The following PFKM variants were observed in gnomAD, a reference collection of about 807,000 sequenced individuals.
The protein encoded by PFKM is ATP-dependent 6-phosphofructokinase, muscle type.
A neutral mutation model predicts 95.5 loss-of-function variants in PFKM; 58 were observed. The observed-to-expected ratio is 0.61, with a 90% confidence interval of 0.49 to 0.76. The LOEUF is 0.76. Ranked by LOEUF, PFKM falls within the 30% of genes least tolerant of loss-of-function variation. PFKM has a pLI of 0.00. For synonymous variants in PFKM, 336 were observed against 357.2 expected, an observed-to-expected ratio of 0.94 and a Z score of 0.67; for missense variants, 678 against 1,005.4, an observed-to-expected ratio of 0.67 and a Z score of 4.40.
chr12:48,106,368 G>GC (rs1946605556), intron 1 of PFKM: 9 of 479,506 alleles, frequency 1.9e-5, no homozygotes. Flanking sequence ...CTTACCCGCC[G>GC]CCTTCTGGTT....
chr12:48,117,621 A>G (rs1369446380), upstream of PFKM, among the ~76,000 whole-genome samples: 1 of 152,200 alleles, frequency 6.6e-6, no homozygotes, highest in Non-Finnish European at 1.5e-5. Flanking sequence ...CCACCTGTAT[A>G]TCTTCTTTGG....
chr12:48,128,750 C>T (rs1202848401), intron 2 of PFKM, among the ~76,000 whole-genome samples: 1 of 152,162 alleles, frequency 6.6e-6, no homozygotes, highest in Non-Finnish European at 1.5e-5. Context: ...ATTACTAGCT[C>T]TCTTAGTGCT....
chr12:48,143,930 C>G (rs1005121710), intron 19 of PFKM, 116 bp downstream of exon 19: 315 of 1,074,776 alleles, frequency 2.9e-4, no homozygotes, highest in Non-Finnish European at 2.8e-5. Flanking sequence ...AGGGAGGGGG[C>G]CAGCCTATCC....
At chr12:48,118,562 A>G (rs986901820), upstream of PFKM, 51 of 1,512,712 alleles carry the variant, frequency 3.4e-5, no homozygotes, top group Admixed American at 2.2e-4. Flanking sequence ...TGTGGAGACA[A>G]TGAAGCAAAG....
chr12:48,113,360 G>A (rs1947376453), intron 3 of PFKM, among the ~76,000 whole-genome samples: 1 of 152,208 alleles, frequency 6.6e-6, no homozygotes, highest in Admixed American at 6.5e-5. Flanking sequence ...TGATGGTCCA[G>A]GAGGCTTCCG....
intron 18 of PFKM, 69 bp downstream of exon 18, chr12:48,143,015 A>G: frequency 2.1e-6 from 3 of 1,452,526 alleles, no homozygotes; most frequent in Non-Finnish European, 2.9e-6. Flanking sequence ...AGTGATCTGA[A>G]CTATGAGAGC....
chr12:48,110,617 C>T (rs1947095287), intron 3 of PFKM, among the ~76,000 whole-genome samples: 1 of 152,230 alleles, frequency 6.6e-6, no homozygotes, highest in African/African-American at 2.4e-5. Flanking sequence ...CTTTCTGCTT[C>T]TGCCAGCCCA....
Position 48,107,269 on chromosome 12 carries a change from G to T in PFKM, c.-9-96G>T, listed in dbSNP as rs1358459126. 3 of 764,532 alleles carry T rather than the reference G, an allele frequency of 3.9e-6. No homozygotes were observed. The East Asian group carries it at 7.4e-5, about 19-fold the overall frequency. 47.4% of individuals were successfully genotyped at this position (764,532 alleles called of 1,614,324 possible). On this transcript the variant is annotated intron_variant, in intron 1 of 24. Transcript: ENST00000340802. Reference sequence around the variant, plus strand: ...TTTATATTATATTGTCAAGTCCTAAGGCCAAGTAGTCATGAGTGTAGCTGG... The same window carrying T: ...TTTATATTATATTGTCAAGTCCTAATGCCAAGTAGTCATGAGTGTAGCTGG...
intron 10 of PFKM, among the ~76,000 whole-genome samples, chr12:48,135,592 T>G (rs1160359732): frequency 6.6e-6 from 1 of 152,238 alleles, no homozygotes; most frequent in Non-Finnish European, 1.5e-5. Flanking sequence ...TACGCCTTCC[T>G]AATGGTGAGG....
At chr12:48,135,139 A>G in intron 9 of PFKM, 101 bp downstream of exon 9, 6 of 1,121,956 alleles carry the variant, frequency 5.3e-6, no homozygotes, top group South Asian at 1.3e-5. Flanking sequence ...CCTTCTGCAC[A>G]TCTCTCCCTG....
At position 48,130,485 on chromosome 12, in the gene PFKM, A is replaced by T. The variant is rs577045874; in HGVS notation, c.159+49A>T. On this transcript the variant is annotated intron_variant, in intron 3 of 22. Coordinates refer to ENST00000359794, the MANE Select transcript of PFKM (RefSeq NM_000289.6). ...ATCATTCTTTCTCTGTCTTCTTCTA[A>T]ATCTGCCTTCTATCCCCTTCCCACA... 1.0e-5 allele frequency: 14 copies of T among 1,375,168 alleles called. No homozygotes were observed. In the South Asian group the frequency reaches 1.6e-4, roughly 16 times the overall value. The allele number at this position is 1,375,168 out of a possible 1,614,324, so 85.2% of individuals were successfully genotyped here. A position where few individuals can be genotyped will look rare whatever the true frequency, so the allele number is the denominator to read the frequency against.
At chr12:48,105,960 C>T in exon 1 of PFKM, 1 of 697,120 alleles carries the variant, frequency 1.4e-6, no homozygotes. Flanking sequence ...CTGACCGGGT[C>T]CGACACAGTC....
upstream of PFKM, chr12:48,118,342 A>T: frequency 3.3e-6 from 2 of 598,428 alleles, no homozygotes; most frequent in Non-Finnish European, 6.0e-6. Context: ...CAGATACATG[A>T]TTTGCAAATA....
intron 2 of PFKM, among the ~76,000 whole-genome samples, chr12:48,127,483 C>T (rs1033726653): frequency 6.6e-6 from 1 of 152,168 alleles, no homozygotes; most frequent in Non-Finnish European, 1.5e-5. Flanking sequence ...AAATCAATCA[C>T]GGGACATTTT....
intron 3 of PFKM, among the ~76,000 whole-genome samples, chr12:48,111,415 G>A (rs144125019): frequency 6.4e-4 from 98 of 152,334 alleles, no homozygotes; most frequent in African/African-American, 2.0e-3. Flanking sequence ...GGACCTTTGC[G>A]TAGCGAGGAA....
chr12:48,110,255 A>G (rs1445408782), intron 3 of PFKM, among the ~76,000 whole-genome samples: 1 of 152,156 alleles, frequency 6.6e-6, no homozygotes, highest in Admixed American at 6.5e-5. Context: ...TGACTTGATG[A>G]TGGGAGGAAT....
At position 48,129,210 on chromosome 12, in the gene PFKM, C is replaced by CTTTTTTTTTTTTTTTTTTTTTTT. The variant is rs778761447; in HGVS notation, c.86-1142_86-1120dup. Among the ~76,000 whole-genome samples the CTTTTTTTTTTTTTTTTTTTTTTT allele has an allele frequency of 9.5e-4, 21 of 21,996 alleles. 3 individuals carry two copies. The highest frequency in any genetic ancestry group is 1.4e-3 in the African/African-American group (9 of 6,616). 14.4% of individuals were successfully genotyped at this position (21,996 alleles called of 152,430 possible). The stretch of plus-strand genomic sequence containing the variant: ...GTTCTGTTTTGTTTTAATTTTCTTT[C>CTTTTTTTTTTTTTTTTTTTTTTT]TTTTTTTTTTTTTTTTTTTTTTTTT... On this transcript the variant is annotated intron_variant, in intron 2 of 22. Transcript: ENST00000359794.
chr12:48,134,315 A>C, intron 7 of PFKM, 39 bp downstream of exon 7: 1 of 1,563,508 alleles, frequency 6.4e-7, no homozygotes, highest in African/African-American at 1.4e-5. Flanking sequence ...CCGTGGACCT[A>C]GCGATAGCCC....
intron 14 of PFKM, 57 bp from the exon 15 acceptor site, chr12:48,141,254 C>T (rs1299808704): frequency 1.5e-5 from 22 of 1,505,354 alleles, no homozygotes; most frequent in Non-Finnish European, 1.9e-5. Flanking sequence ...GCACCAGTCC[C>T]ACACAGGCCT....
Sources: gnomAD v4.1 joint callset for allele counts (sites outside exome capture counted in the v4.1 genomes callset) on GRCh38, gnomAD v4.1.1 for gene constraint, MANE v1.5 for transcripts, NCBI Gene and HGNC (gene_info 2026-07-23, HGNC 2026-07-21) for gene names.